The following ERO1B variants were observed in gnomAD, a reference collection of about 807,000 sequenced individuals.
ERO1B encodes endoplasmic reticulum oxidoreductase 1 beta.
ERO1B carries 49 observed loss-of-function variants against 75.3 expected under a neutral mutation model. The observed-to-expected ratio is 0.65, with a 90% CI of 0.52 to 0.83. The LOEUF is 0.83. Ranked by LOEUF, ERO1B falls within the 40% of genes least tolerant of loss-of-function variation. The pLI is 0.00. For synonymous variants in ERO1B, 191 were observed against 192.9 expected (o/e 0.99, Z 0.08); for missense variants, 512 against 560.1 (o/e 0.91, Z 0.87).
chr1:236,250,572 C>G (rs774928053), intron 4 of ERO1B, among the ~76,000 whole-genome samples: 23 of 86,412 alleles, frequency 2.7e-4, no homozygotes, highest in Non-Finnish European at 5.3e-4. Context: ...TAAATTTGAC[C>G]ATATATATAT....
Position 236,226,791 on chromosome 1 carries a change from T to A in ERO1B, c.713-52A>T, listed in dbSNP as rs758246107. The A allele has an allele frequency of 6.1e-5, 85 of 1,399,450 alleles. 1 individual carries two copies. The South Asian group carries it at 7.5e-4, about 12-fold the overall frequency. 86.7% of individuals were successfully genotyped at this position (1,399,450 alleles called of 1,614,324 possible). On this transcript the variant is annotated intron_variant, in intron 10 of 15. Transcript: ENST00000354619. ...ATTACACCTATTTAGATATCAGAAATATTGACTCAAGGAGGTTCAGTATGT... is the reference window on the plus strand; with the variant it reads ...ATTACACCTATTTAGATATCAGAAAAATTGACTCAAGGAGGTTCAGTATGT...
At chr1:236,240,812 G>A (rs1038624269) in intron 6 of ERO1B, among the ~76,000 whole-genome samples, 1 of 152,112 alleles carries the variant, frequency 6.6e-6, no homozygotes, top group Non-Finnish European at 1.5e-5. Context: ...TCAATAATAT[G>A]CCATATACTG....
intron 2 of ERO1B, among the ~76,000 whole-genome samples, chr1:236,260,726 A>G (rs1665275158): frequency 6.6e-6 from 1 of 152,118 alleles, no homozygotes; most frequent in African/African-American, 2.4e-5. Flanking sequence ...GTTCTACCAA[A>G]CATATAAAGA....
At chr1:236,281,597 C>G in intron 1 of ERO1B, 85 bp downstream of exon 1, 1 of 1,021,156 alleles carries the variant, frequency 9.8e-7, no homozygotes, top group Non-Finnish European at 1.3e-6. Context: ...CCTGCCCGGC[C>G]CTCCCCGCGT....
chr1:236,267,919 C>T (rs1037656855), intron 2 of ERO1B: 6 of 151,416 alleles, frequency 4.0e-5, no homozygotes, highest in East Asian at 1.9e-4. Flanking sequence ...CTCCTCGCAT[C>T]GACCTGGTAT....
At chr1:236,258,075 A>G (rs977836250) in intron 2 of ERO1B, among the ~76,000 whole-genome samples, 8 of 143,346 alleles carry the variant, frequency 5.6e-5, no homozygotes, top group Non-Finnish European at 9.1e-5. Flanking sequence ...CCCTCCTGTT[A>G]GCTTGCTTAT....
At chr1:236,245,356 ACG>A (rs1664828453) in intron 5 of ERO1B, among the ~76,000 whole-genome samples, 2 of 70,604 alleles carry the variant, frequency 2.8e-5, no homozygotes, top group African/African-American at 9.4e-5. Flanking sequence ...ATATATACAC[ACG>A]TATATATATA....
intron 2 of ERO1B, among the ~76,000 whole-genome samples, chr1:236,268,297 A>G (rs1665498613): frequency 6.6e-6 from 1 of 152,144 alleles, no homozygotes; most frequent in African/African-American, 2.4e-5. Flanking sequence ...AAAATTAGCC[A>G]GGCGTGGTGG....
intron 1 of ERO1B, among the ~76,000 whole-genome samples, chr1:236,273,084 T>A (rs1665633115): frequency 6.6e-6 from 1 of 152,192 alleles, no homozygotes; most frequent in African/African-American, 2.4e-5. Context: ...AAGATGTGAT[T>A]AATTTGAGGA....
In ERO1B at chr1:236,215,168, T is replaced by C. The variant is rs1663938562; in HGVS notation, c.*3348A>G. Among the ~76,000 whole-genome samples, 1 of 152,242 alleles carries C rather than the reference T, an allele frequency of 6.6e-6. No homozygotes were observed. The highest frequency in any genetic ancestry group is 1.5e-5 in the Non-Finnish European group (1 of 68,038). On this transcript the variant is annotated 3_prime_UTR_variant, in exon 16 of 16. Coordinates refer to ENST00000354619, the MANE Select transcript of ERO1B (RefSeq NM_019891.4). Reference sequence around the variant, plus strand: ...CTTTTAATTGTTCCCACTTTGTAGCTGAATGGAAATAGGCCAACTTACAAA... The same window carrying C: ...CTTTTAATTGTTCCCACTTTGTAGCCGAATGGAAATAGGCCAACTTACAAA...
intron 2 of ERO1B, among the ~76,000 whole-genome samples, chr1:236,256,205 C>G (rs1407217985): frequency 1.3e-5 from 2 of 152,168 alleles, no homozygotes; most frequent in African/African-American, 4.8e-5. Context: ...CTGACTTGCT[C>G]CTGAGATAAG....
chr1:236,243,836 C>T (rs1040730656), intron 5 of ERO1B, among the ~76,000 whole-genome samples: 9 of 151,984 alleles, frequency 5.9e-5, no homozygotes, highest in Admixed American at 1.3e-4. Flanking sequence ...GAAATTATAA[C>T]GTTAAACGTA....
At position 236,216,180 on chromosome 1, in the gene ERO1B, C is replaced by T. The variant is rs1663969674; in HGVS notation, c.*2336G>A. On this transcript the variant is annotated 3_prime_UTR_variant, in exon 16 of 16. Transcript: ENST00000354619. ...TTCCTTTTCTTCATTTTCATTACTT[C>T]ATCAGTGGGTACAATCATTTCTGTC... is the stretch of plus-strand genomic sequence containing the variant. 6.6e-6 allele frequency: 1 copy of T among 152,122 alleles called. No individual in the cohort carries two copies. Among genetic ancestry groups the T allele is most frequent in the Non-Finnish European group, 1.5e-5 (1 of 68,006 alleles). 9.4% of individuals were successfully genotyped at this position (152,122 alleles called of 1,614,324 possible).
At chr1:236,275,322 A>G (rs955243215) in intron 1 of ERO1B, among the ~76,000 whole-genome samples, 8 of 152,202 alleles carry the variant, frequency 5.3e-5, no homozygotes, top group Non-Finnish European at 8.8e-5. Flanking sequence ...GTGGGTTCCT[A>G]GCACTTCCAT....
rs1339617066 is a variant in ERO1B, at chr1:236,243,485, T to C, written c.442A>G (p.Lys148Glu). The change falls in exon 6 of 16, where the codon AAA becomes GAA. Residue 148 changes from lysine to glutamate, a missense_variant. Lys to Glu is a moderately conservative substitution (Grantham distance 56). Coordinates refer to ENST00000354619, the MANE Select transcript of ERO1B (RefSeq NM_019891.4). ...CTTGCCCAGTCAATGAAAGCTTCTT[T>C]GCTTTGATTACTATGGGAAGGAGGA... ...AINSTLSNQS[K>E]EAFIDWARYD... 3 of 1,602,254 alleles carry C rather than the reference T, an allele frequency of 1.9e-6. No individual in the cohort carries two copies. The highest frequency in any genetic ancestry group is 2.6e-6 in the Non-Finnish European group (3 of 1,174,022).
intron 6 of ERO1B, among the ~76,000 whole-genome samples, chr1:236,239,837 G>GTGTATATATATT (rs1558510856): frequency 4.4e-5 from 1 of 22,858 alleles, no homozygotes; most frequent in Non-Finnish European, 1.9e-4. Context: ...ATATATATGT[G>GTGTATATATATT]TATATATATA....
In ERO1B at chr1:236,281,716, G is replaced by A; in HGVS notation, c.68C>T (p.Thr23Ile). The A allele has an allele frequency of 1.3e-6, 2 of 1,512,472 alleles. No homozygotes were observed. Among genetic ancestry groups the A allele is most frequent in the Non-Finnish European group, 1.8e-6 (2 of 1,133,476 alleles). The allele number at this position is 1,512,472 out of a possible 1,614,324, so 93.7% of individuals were successfully genotyped here. A position where few individuals can be genotyped will look rare whatever the true frequency, so the allele number is the denominator to read the frequency against. ...GACGACGCTCCGCAGGAAGCTCAGG[G>A]TGACCAGCAGCTGCACCGCGGCCGC... ...GVAAAVQLLV[T>I]LSFLRSVVEA... is the part of the protein sequence containing the mutation. The change falls in exon 1 of 16, where the codon ACC becomes ATC. Residue 23 changes from threonine (T) to isoleucine (I), a missense_variant. Transcript: ENST00000354619.
intron 13 of ERO1B, among the ~76,000 whole-genome samples, chr1:236,223,712 T>C (rs898461367): frequency 1.3e-5 from 2 of 152,194 alleles, no homozygotes; most frequent in Non-Finnish European, 2.9e-5. Context: ...AAAACATACA[T>C]AATTATAGTT....
chr1:236,215,295 A>G lies in ERO1B; in HGVS notation c.*3221T>C, dbSNP rs1297568488. ...AGGTTACTTAGCCTTTTTTATCCTC[A>G]GTCTTCTTACTTATAAAACAGAGAA... On this transcript the variant is annotated 3_prime_UTR_variant, in exon 16 of 16. Coordinates refer to ENST00000354619, the MANE Select transcript of ERO1B (RefSeq NM_019891.4). 6.6e-6 allele frequency among the ~76,000 whole-genome samples: 1 copy of G among 152,166 alleles called. No homozygotes were observed. The highest frequency in any genetic ancestry group is 1.5e-5 in the Non-Finnish European group (1 of 68,016).
Sources: allele counts gnomAD v4.1 joint callset (sites outside exome capture counted in the v4.1 genomes callset), GRCh38; gene constraint gnomAD v4.1.1; transcripts MANE v1.5; gene names NCBI Gene and HGNC (gene_info 2026-07-23, HGNC 2026-07-21).